RAB27B: variants seen among roughly 807,000 people sequenced by gnomAD.
RAB27B encodes the protein RAB27B, member RAS oncogene family.
RAB27B carries 15 observed loss-of-function variants against 24.6 expected under a neutral mutation model. That is an observed-to-expected ratio of 0.61 (90% CI 0.41 to 0.94). RAB27B has a LOEUF of 0.94. RAB27B is among the 40% of genes least tolerant of loss of function. The pLI is 0.00. For missense variants in RAB27B, 261 were observed against 266.8 expected, an observed-to-expected ratio of 0.98 and a Z score of 0.15; for synonymous variants, 105 against 92.5, an observed-to-expected ratio of 1.14 and a Z score of -0.78.
At chr18:54,801,871 G>T (rs907396217) in intron 2 of RAB27B, among the ~76,000 whole-genome samples, 1 of 152,104 alleles carries the variant, frequency 6.6e-6, no homozygotes, top group Non-Finnish European at 1.5e-5. Context: ...TTTGCTATCC[G>T]CTATTAAAAT....
At chr18:54,859,812 C>T (rs1169943341) in intron 1 of RAB27B, among the ~76,000 whole-genome samples, 1 of 152,130 alleles carries the variant, frequency 6.6e-6, no homozygotes, top group Admixed American at 6.5e-5. Flanking sequence ...AAGAAGTAAA[C>T]AATAGACTCA....
At chr18:54,792,452 A>G (rs1265897479) in intron 2 of RAB27B, among the ~76,000 whole-genome samples, 1 of 152,202 alleles carries the variant, frequency 6.6e-6, no homozygotes, top group South Asian at 2.1e-4. Context: ...GTCTCTCTAC[A>G]TGGTCAAATA....
chr18:54,810,201 T>G (rs1909919345), intron 2 of RAB27B, among the ~76,000 whole-genome samples: 1 of 152,288 alleles, frequency 6.6e-6, no homozygotes, highest in African/African-American at 2.4e-5. Context: ...TGCCTACTTT[T>G]GTGTGTATAT....
chr18:54,860,635 A>C (rs1195435172), intron 1 of RAB27B, among the ~76,000 whole-genome samples: 2 of 152,206 alleles, frequency 1.3e-5, no homozygotes, highest in African/African-American at 4.8e-5. Context: ...ATTCCAAATA[A>C]GTTAGCGGAT....
intron 2 of RAB27B, among the ~76,000 whole-genome samples, chr18:54,807,835 GA>G (rs1323405125): frequency 6.6e-6 from 1 of 152,096 alleles, no homozygotes; most frequent in Non-Finnish European, 1.5e-5. Flanking sequence ...TGAGCTAGAA[GA>G]AAAAAGCAGT....
At chr18:54,764,387 G>A (rs929307495) in intron 2 of RAB27B, among the ~76,000 whole-genome samples, 3 of 152,130 alleles carry the variant, frequency 2.0e-5, no homozygotes, top group African/African-American at 7.2e-5. Context: ...AAATATTGTA[G>A]GAATTAAAGT....
In RAB27B at chr18:54,796,492, A is replaced by T. The variant is rs1026578676; in HGVS notation, c.-20+78351A>T. Among the ~76,000 whole-genome samples, 3 of 152,168 alleles carry T rather than the reference A, an allele frequency of 2.0e-5. No homozygotes were observed. In the South Asian group the frequency reaches 6.2e-4, roughly 32 times the overall value. On this transcript the variant is annotated intron_variant, in intron 2 of 4. Transcript: ENST00000586570. ...AGTGATGGAGGTGGTTCTCAGTGAG[A>T]TGGGTGGGGAGCCAGAAGGGGAGAT...
chr18:54,785,045 T>C (rs897011041), intron 2 of RAB27B, among the ~76,000 whole-genome samples: 10 of 151,982 alleles, frequency 6.6e-5, no homozygotes, highest in African/African-American at 2.2e-4. Context: ...CCTCCCAACC[T>C]ATCAGCCAGT....
intron 2 of RAB27B, among the ~76,000 whole-genome samples, chr18:54,770,034 A>AT (rs1005296580): frequency 8.6e-5 from 13 of 151,940 alleles, no homozygotes; most frequent in African/African-American, 1.7e-4. Flanking sequence ...TGCCTGGCTA[A>AT]TTTTTTGTAT....
rs777177556 is a variant in RAB27B, at chr18:54,804,904, CTCTT to C, written c.-19-72615_-19-72612del. Reference sequence around the variant, plus strand: ...TCTTTCTTTCTTTCTCTTTCTCTCTCTCTTTCTTTCTTTCTTTCTTTCTTTCTTT... The same window carrying C: ...TCTTTCTTTCTTTCTCTTTCTCTCTCTCTTTCTTTCTTTCTTTCTTTCTTT... On this transcript the variant is annotated intron_variant, in intron 2 of 4. Coordinates refer to the RAB27B transcript ENST00000586570. Among the ~76,000 whole-genome samples, 124 of 48,000 alleles carry C rather than the reference CTCTT, an allele frequency of 2.6e-3. 1 individual carries two copies. The highest frequency in any genetic ancestry group is 5.6e-3 in the African/African-American group (112 of 19,912). 31.5% of individuals were successfully genotyped at this position (48,000 alleles called of 152,430 possible).
chr18:54,829,131 C>T (rs1040295368), intron 1 of RAB27B, among the ~76,000 whole-genome samples: 15 of 152,184 alleles, frequency 9.9e-5, no homozygotes, highest in Admixed American at 9.2e-4. Flanking sequence ...AGCAATAAGA[C>T]ATTTATATGC....
At chr18:54,805,822 A>G (rs892952329) in intron 2 of RAB27B, among the ~76,000 whole-genome samples, 4 of 152,244 alleles carry the variant, frequency 2.6e-5, no homozygotes, top group African/African-American at 9.6e-5. Context: ...ATTGGATCTT[A>G]TATAGAGTAA....
intron 2 of RAB27B, among the ~76,000 whole-genome samples, chr18:54,798,817 G>A (rs1023135503): frequency 6.6e-6 from 1 of 152,084 alleles, no homozygotes; most frequent in African/African-American, 2.4e-5. Flanking sequence ...ATGTTATTAA[G>A]AACTAATGTA....
chr18:54,741,869 C>T (rs537292934), intron 2 of RAB27B, among the ~76,000 whole-genome samples: 1 of 152,266 alleles, frequency 6.6e-6, no homozygotes, highest in East Asian at 1.9e-4. Context: ...TTTGCCTAAG[C>T]TGGCAGTAGG....
intron 2 of RAB27B, among the ~76,000 whole-genome samples, chr18:54,797,290 C>T (rs915437509): frequency 5.9e-5 from 9 of 152,092 alleles, no homozygotes; most frequent in Non-Finnish European, 8.8e-5. Flanking sequence ...CTTTGTGAGG[C>T]CGAGGTGGGT....
chr18:54,729,881 A>G (rs78556055), intron 2 of RAB27B, among the ~76,000 whole-genome samples: 5,794 of 152,256 alleles, frequency 0.038, 375 homozygotes, highest in African/African-American at 0.13. Context: ...GAAAGTTAAG[A>G]CCAGCCTCAC....
chr18:54,802,385 C>A (rs1321085629), intron 2 of RAB27B, among the ~76,000 whole-genome samples: 1 of 152,146 alleles, frequency 6.6e-6, no homozygotes, highest in Non-Finnish European at 1.5e-5. Flanking sequence ...ACTTTGCCCA[C>A]TGGTTCAGTG....
intron 1 of RAB27B, among the ~76,000 whole-genome samples, chr18:54,855,423 A>G (rs766161098): frequency 1.3e-5 from 2 of 152,152 alleles, no homozygotes; most frequent in Non-Finnish European, 1.5e-5. Flanking sequence ...AGTACAAATT[A>G]TTTGTATTAT....
chr18:54,769,862 GTTC>G (rs762544960), intron 2 of RAB27B, among the ~76,000 whole-genome samples: 11 of 151,958 alleles, frequency 7.2e-5, no homozygotes, highest in African/African-American at 1.2e-4. Flanking sequence ...CATATGCTAA[GTTC>G]TTCTTCTTTT....
Sources: gnomAD v4.1 joint callset for allele counts (sites outside exome capture counted in the v4.1 genomes callset) on GRCh38, gnomAD v4.1.1 for gene constraint, MANE v1.5 for transcripts, NCBI Gene and HGNC (gene_info 2026-07-23, HGNC 2026-07-21) for gene names.